TTN: variants seen among roughly 807,000 people sequenced by gnomAD.
TTN encodes the protein connectin.
TTN carries 1,525 observed loss-of-function variants against 3,223.0 expected under a neutral mutation model. The observed-to-expected ratio is 0.47, with a 90% CI of 0.45 to 0.49. The LOEUF (loss-of-function observed/expected upper bound fraction) is 0.49. Ranked by LOEUF, TTN falls within the 20% of genes least tolerant of loss-of-function variation. TTN has a pLI of 0.00. For synonymous variants in TTN, 14,094 were observed against 15,161.0 expected (o/e 0.93, Z 5.17); for missense variants, 40,786 against 43,424.0 (o/e 0.94, Z 5.40).
In TTN at chr2:178,593,187, G is replaced by T. The variant is rs746781472; in HGVS notation, c.59021C>A (p.Ala19674Asp). ...TAATACTATACCAATTGGATCTTTA[G>T]CAAAGACTGGTTTGGATGGTGGGCT... ...DPSPPSKPVF[A>D]KDPIAKPSPP... The change falls in exon 299 of 363, where the codon GCT becomes GAT. Residue 19674 changes from alanine (A) to aspartate (D), a missense_variant. By Grantham distance (126) the Ala-to-Asp change is moderately radical. Transcript: ENST00000589042. 1 of 1,613,282 alleles carries T rather than the reference G, an allele frequency of 6.2e-7. No individual in the cohort carries two copies. Among genetic ancestry groups the T allele is most frequent in the South Asian group, 1.1e-5 (1 of 91,026 alleles).
chr2:178,736,872 A>T (rs935771629), intron 49 of TTN, among the ~76,000 whole-genome samples: 2 of 152,188 alleles, frequency 1.3e-5, no homozygotes, highest in African/African-American at 4.8e-5. Flanking sequence ...AGGATCACGT[A>T]AAAGGATTGT....
In TTN at chr2:178,756,510, T is replaced by C. The variant is rs2154334929; in HGVS notation, c.10966A>G (p.Thr3656Ala). 1 of 1,613,792 alleles carries C rather than the reference T, an allele frequency of 6.2e-7. No individual in the cohort carries two copies. Among genetic ancestry groups the C allele is most frequent in the South Asian group, 1.1e-5 (1 of 91,074 alleles). The stretch of plus-strand genomic sequence containing the variant: ...AGGAAAATCTTGGGCGCCTCACCCG[T>C]GGACTCTTTAGCACATTCCTTAGAT... ...ELSKECAKES[T>A]GEAPKIFLHL... The change falls in exon 46 of 363, where the codon ACG becomes GCG. Residue 3656 changes from threonine (T) to alanine (A), a missense_variant. Physicochemically the swap from Thr to Ala is moderately conservative, Grantham distance 58 (BLOSUM62 0). Transcript: ENST00000589042.
At chr2:178,677,322 A>G in intron 146 of TTN, 35 bp from the exon 147 acceptor site, 1 of 913,920 alleles carries the variant, frequency 1.1e-6, no homozygotes, top group East Asian at 4.3e-5. Context: ...ATTAAAAACC[A>G]CATATACATG....
chr2:178,746,347 T>G, intron 47 of TTN: 1 of 1,612,416 alleles, frequency 6.2e-7, no homozygotes, highest in Non-Finnish European at 8.5e-7. Context: ...CAAAATTAAA[T>G]GGAAGAACAT....
rs904716065 is a variant in TTN at position 178,602,564 on chromosome 2, C to T, written c.54838G>A (p.Glu18280Lys). 1.3e-6 allele frequency: 2 copies of T among 1,558,328 alleles called. No homozygotes were observed. Among genetic ancestry groups the T allele is most frequent in the Non-Finnish European group, 1.7e-6 (2 of 1,151,672 alleles). Residue 18280 changes from glutamate (E) to lysine (K), a missense_variant, in exon 283 of 363, where the codon GAA (glutamate) becomes AAA (lysine). Physicochemically the swap from Glu to Lys is moderately conservative, Grantham distance 56. Coordinates refer to ENST00000589042, the MANE Select transcript of TTN (RefSeq NM_001267550.2). ...IFPPGPPSCP[E>K]VKDKTKSSIS... is the part of the protein sequence containing the mutation. Reference sequence around the variant, plus strand: ...CTTGACTTCGTTTTATCTTTAACTTCTGGGCAAGAAGGTGGCCCCGGTGGA... The same window carrying T: ...CTTGACTTCGTTTTATCTTTAACTTTTGGGCAAGAAGGTGGCCCCGGTGGA...
rs1020838415 is a variant in TTN at position 178,688,714 on chromosome 2, G to A, written c.32160C>T (p.Phe10720=). Residue 10720 remains phenylalanine, a synonymous_variant, in exon 126 of 363, where the codon TTC becomes TTT. Coordinates refer to ENST00000589042, the MANE Select transcript of TTN (RefSeq NM_001267550.2). ...KRFVAEEKLS[F]AVPQRVEVTR... The stretch of plus-strand genomic sequence containing the variant: ...TGACTTCCACTCTTTGAGGAACTGC[G>A]AAGGATAGTTTTTCTTCAGCAACAA... 4.3e-6 allele frequency: 7 copies of A among 1,613,672 alleles called. No homozygotes were observed. The highest frequency in any genetic ancestry group is 1.6e-4 in the Middle Eastern group (1 of 6,084).
Position 178,779,221 on chromosome 2 carries a change from T to C in TTN, c.3963+8A>G, listed in dbSNP as rs746377261. ...GGCAAGGAGCTATGATAAATGTTTA[T>C]ATTTTACCTTTGGTAATGGATATCC... is the stretch of plus-strand genomic sequence containing the variant. On this transcript the variant is annotated splice_region_variant and intron_variant, in intron 23 of 362. Coordinates refer to ENST00000589042, the MANE Select transcript of TTN (RefSeq NM_001267550.2). 1.8e-5 allele frequency: 29 copies of C among 1,613,332 alleles called. No individual in the cohort carries two copies. Among genetic ancestry groups the C allele is most frequent in the Non-Finnish European group, 2.3e-5 (27 of 1,179,758 alleles).
intron 61 of TTN, 33 bp from the exon 62 acceptor site, chr2:178,730,404 T>C (rs774739340): frequency 1.5e-5 from 24 of 1,552,518 alleles, no homozygotes; most frequent in East Asian, 4.5e-5. Flanking sequence ...CAAAAGAAAA[T>C]AGGAAGTTTT....
chr2:178,627,101 AC>A (rs1162164876), intron 240 of TTN, among the ~76,000 whole-genome samples: 13 of 151,982 alleles, frequency 8.6e-5, no homozygotes, highest in Non-Finnish European at 1.8e-4. Context: ...TTAATATAAT[AC>A]GGTAGGCTTA....
chr2:178,616,818 G>A lies in TTN; in HGVS notation c.48071C>T (p.Pro16024Leu). The A allele has an allele frequency of 6.2e-7, 1 of 1,612,630 alleles. No homozygotes were observed. Among genetic ancestry groups the A allele is most frequent in the South Asian group, 1.1e-5 (1 of 91,048 alleles). ...LSAYAELVISPSERSDKGIYT... is the reference protein window; with the variant it reads ...LSAYAELVISLSERSDKGIYT... ...AATGCCCTTGTCTGAACGTTCACTTGGAGAAATGACAAGTTCGGCATAGGC... is the reference window on the plus strand; with the variant it reads ...AATGCCCTTGTCTGAACGTTCACTTAGAGAAATGACAAGTTCGGCATAGGC... Residue 16024 changes from proline to leucine, a missense_variant, in exon 256 of 363, where the codon CCA becomes CTA. Physicochemically the swap from Pro to Leu is moderately conservative, Grantham distance 98. Transcript: ENST00000589042.
intron 48 of TTN, 83 bp downstream of exon 48, chr2:178,739,058 A>T (rs1026032735): frequency 1.4e-6 from 2 of 1,402,294 alleles, no homozygotes; most frequent in African/African-American, 2.9e-5. Flanking sequence ...GTGGCAGATA[A>T]GTGAAAATTT....
intron 99 of TTN, among the ~76,000 whole-genome samples, chr2:178,709,016 T>C (rs1337459534): frequency 6.6e-6 from 1 of 152,236 alleles, no homozygotes; most frequent in East Asian, 1.9e-4. Context: ...CATAATGATA[T>C]GCAATGTTTT....
chr2:178,618,450 A>T lies in TTN; in HGVS notation c.47008T>A (p.Phe15670Ile). Residue 15670 changes from phenylalanine (F) to isoleucine (I), a missense_variant, in exon 252 of 363, where the codon TTT becomes ATT. Physicochemically the swap from Phe to Ile is conservative, Grantham distance 21. Transcript: ENST00000589042. ...PVRNLEVTET[F>I]DGEVSLAWEE... is the part of the protein sequence containing the mutation. ...CAAGCAAGGCTCACTTCACCATCAA[A>T]TGTTTCTGTCACTTCTAAGTTACGT... 6.2e-7 allele frequency: 1 copy of T among 1,612,448 alleles called. No individual in the cohort carries two copies. Among genetic ancestry groups the T allele is most frequent in the Non-Finnish European group, 8.5e-7 (1 of 1,179,102 alleles).
At chr2:178,616,288 A>C (rs2057328439) in intron 257 of TTN, among the ~76,000 whole-genome samples, 191 bp downstream of exon 257, 2 of 151,860 alleles carry the variant, frequency 1.3e-5, no homozygotes, top group African/African-American at 4.8e-5. Flanking sequence ...AGACAATTAC[A>C]ATTATACAAT....
rs142395261 is a variant in TTN at position 178,609,755 on chromosome 2, C to T, written c.51668G>A (p.Arg17223Gln). 1.8e-5 allele frequency: 29 copies of T among 1,612,656 alleles called. No individual in the cohort carries two copies. In the African/African-American group the frequency reaches 2.3e-4, roughly 13 times the overall value. Residue 17223 changes from arginine to glutamine, a missense_variant, in exon 272 of 363, where the codon CGA becomes CAA. Physicochemically the swap from Arg to Gln is conservative, Grantham distance 43 (BLOSUM62 1). Coordinates refer to ENST00000589042, the MANE Select transcript of TTN (RefSeq NM_001267550.2). Reference protein sequence around the residue: ...EEGKEYQFRVRAENAAGISEP... With the variant: ...EEGKEYQFRVQAENAAGISEP... ...ACTAATACCCGCGGCGTTCTCTGCT[C>T]GCACACGGAATTGGTACTCTTTCCC...
At position 178,636,543 on chromosome 2, in the gene TTN, C is replaced by G. The variant is rs2060464524; in HGVS notation, c.41184G>C (p.Glu13728Asp). 1 of 1,613,464 alleles carries G rather than the reference C, an allele frequency of 6.2e-7. No homozygotes were observed. Among genetic ancestry groups the G allele is most frequent in the Middle Eastern group, 1.7e-4 (1 of 6,056 alleles). Residue 13728 changes from glutamate to aspartate, a missense_variant, in exon 225 of 363, where the codon GAG becomes GAC. By Grantham distance (45) the Glu-to-Asp change is conservative (BLOSUM62 2). Coordinates refer to ENST00000589042, the MANE Select transcript of TTN (RefSeq NM_001267550.2). The surrounding 1 kb of genome is among the most constrained non-coding windows in gnomAD (Gnocchi z 4.3). ...TWMKDGSNIR[E>D]SPKHRFIADG... ...CTGCAATAAACCTGTGCTTGGGACT[C>G]TCACGGATATTGCTACCGTCTTTCA...
chr2:178,584,404 G>A lies in TTN; in HGVS notation c.65147C>T (p.Ser21716Leu), dbSNP rs13021201. The A allele has an allele frequency of 0.037, 59,063 of 1,613,292 alleles. 1,309 individuals are homozygous for A. Among genetic ancestry groups the A allele is most frequent in the Non-Finnish European group, 0.045 (52,761 of 1,179,484 alleles). ...AAGGCCAGCACAAGGATATTCAGTT[G>A]ACCGGACAAGAGTATCATTGGCTTT... The part of the protein sequence containing the change: ...WVKANDTLVR[S>L]TEYPCAGLVE... Residue 21716 changes from serine to leucine, a missense_variant, in exon 311 of 363, where the codon TCA becomes TTA. By Grantham distance (145) the Ser-to-Leu change is moderately radical (BLOSUM62 -2). Transcript: ENST00000589042.
rs2068590953 is a variant in TTN at position 178,678,435 on chromosome 2, C to T, written c.33889G>A (p.Val11297Met). The T allele has an allele frequency of 6.3e-7, 1 of 1,594,188 alleles. No homozygotes were observed. The highest frequency in any genetic ancestry group is 1.1e-5 in the South Asian group (1 of 87,166). Residue 11297 changes from valine (V) to methionine (M), a missense_variant, in exon 144 of 363, where the codon GTG becomes ATG. Transcript: ENST00000589042. ...GTACCTTTTGCAGGTGGAGCCTCCA[C>T]TTTCTTAGGAGCAGGAACTGGCACC... ...KKVPVPAPKK[V>M]EAPPAKVPEV...
intron 356 of TTN, 96 bp downstream of exon 356, chr2:178,536,842 T>C (rs766158405): frequency 3.0e-5 from 36 of 1,187,574 alleles, no homozygotes; most frequent in Non-Finnish European, 4.0e-5. Flanking sequence ...ATCTGAATCT[T>C]TGCTATTTCC....
Sources: allele counts gnomAD v4.1 joint callset (sites outside exome capture counted in the v4.1 genomes callset), GRCh38; gene constraint gnomAD v4.1.1; non-coding constraint Gnocchi (gnomAD v3.1); transcripts MANE v1.5; gene names NCBI Gene and HGNC (gene_info 2026-07-23, HGNC 2026-07-21).